Variants in PRELID2 observed in about 807,000 individuals in gnomAD.
PRELID2 encodes the protein PRELI domain containing 2, also known as PRELI domain-containing protein 2.
In PRELID2, 25 loss-of-function variants were observed where a neutral mutation model predicts 28.4. That is an observed-to-expected ratio of 0.88 (90% CI 0.64 to 1.23). The LOEUF (loss-of-function observed/expected upper bound fraction) is 1.23. Among genes scored for constraint, PRELID2 ranks in the 50% most tolerant of loss-of-function variants. PRELID2 has a pLI of 0.00. For missense variants in PRELID2, 201 were observed against 214.4 expected (o/e 0.94, Z 0.39); for synonymous variants, 76 against 71.6 (o/e 1.06, Z -0.31).
the PRELID2 span, among the ~76,000 whole-genome samples, chr5:145,438,956 T>A: frequency 6.6e-6 from 1 of 152,156 alleles, no homozygotes; most frequent in Non-Finnish European, 1.5e-5. Context: ...GTGCTGCCTT[T>A]TTCTCTGATG....
At chr5:145,495,944 G>A (rs1752306554) in intron 1 of PRELID2, among the ~76,000 whole-genome samples, 1 of 152,132 alleles carries the variant, frequency 6.6e-6, no homozygotes, top group South Asian at 2.1e-4. Flanking sequence ...CGGAGAATGA[G>A]TCAGGTGTTC....
intron 1 of PRELID2, among the ~76,000 whole-genome samples, chr5:145,594,338 G>GT (rs915746661): frequency 2.4e-4 from 36 of 151,766 alleles, no homozygotes; most frequent in Middle Eastern, 6.8e-3. Context: ...TTTGTTTGGT[G>GT]TTTTTTTTGT....
chr5:145,307,403 T>C, the PRELID2 span, among the ~76,000 whole-genome samples: 3 of 152,128 alleles, frequency 2.0e-5, no homozygotes, highest in Admixed American at 1.3e-4. Flanking sequence ...GGAAGACACA[T>C]AAACTGGGTC....
chr5:145,252,319 T>A, the PRELID2 span, among the ~76,000 whole-genome samples: 3 of 152,152 alleles, frequency 2.0e-5, no homozygotes, highest in Admixed American at 6.6e-5. Context: ...AAAATCTGCA[T>A]AAATAACAAA....
the PRELID2 span, among the ~76,000 whole-genome samples, chr5:145,307,447 G>A: frequency 2.6e-5 from 4 of 152,150 alleles, no homozygotes; most frequent in African/African-American, 9.7e-5. Context: ...CTGTTACTCA[G>A]TGCAAAATTA....
At chr5:145,618,529 T>C (rs9885571) in intron 1 of PRELID2, among the ~76,000 whole-genome samples, 7,375 of 152,276 alleles carry the variant, frequency 0.048, 604 homozygotes, top group African/African-American at 0.17. Flanking sequence ...TCCTGTGATA[T>C]GAACCATCTA....
the PRELID2 span, among the ~76,000 whole-genome samples, chr5:145,351,233 G>A: frequency 6.6e-6 from 1 of 152,152 alleles, no homozygotes; most frequent in East Asian, 1.9e-4. Flanking sequence ...TTCTCACACT[G>A]CTATGAAGAA....
At chr5:145,430,076 G>T in the PRELID2 span, among the ~76,000 whole-genome samples, 4 of 152,290 alleles carry the variant, frequency 2.6e-5, no homozygotes, top group African/African-American at 7.2e-5. Context: ...ATAGTAGATG[G>T]TGGTTGTTTG....
chr5:145,409,750 G>GAAAAAAA, the PRELID2 span, among the ~76,000 whole-genome samples: 1 of 104,994 alleles, frequency 9.5e-6, no homozygotes, highest in Non-Finnish European at 2.0e-5. Context: ...CATCTCTACT[G>GAAAAAAA]AAAAAAAAAA....
At chr5:145,504,541 C>T (rs1264373499) in intron 1 of PRELID2, among the ~76,000 whole-genome samples, 1 of 152,102 alleles carries the variant, frequency 6.6e-6, no homozygotes. Context: ...TGACCACAGG[C>T]AGAACAGGTA....
the PRELID2 span, among the ~76,000 whole-genome samples, chr5:145,318,688 C>A: frequency 6.6e-6 from 1 of 152,188 alleles, no homozygotes; most frequent in Admixed American, 6.5e-5. Context: ...TGGGCTCCAG[C>A]CCCATGGTAG....
At chr5:145,819,644 TC>T (rs1418308791) in intron 3 of PRELID2, 8 of 576,114 alleles carry the variant, frequency 1.4e-5, no homozygotes, top group African/African-American at 1.3e-4. Flanking sequence ...AAGAGTAATT[TC>T]TAATCATGAA....
intron 1 of PRELID2, among the ~76,000 whole-genome samples, chr5:145,713,461 A>G (rs1755755917): frequency 6.9e-6 from 1 of 144,346 alleles, no homozygotes; most frequent in Non-Finnish European, 1.5e-5. Context: ...TGTATACTTT[A>G]TATATATATA....
At chr5:145,380,798 TC>T in the PRELID2 span, among the ~76,000 whole-genome samples, 1 of 152,200 alleles carries the variant, frequency 6.6e-6, no homozygotes, top group African/African-American at 2.4e-5. Flanking sequence ...GATGAGCTTT[TC>T]TTTTACTTTG....
At chr5:145,458,934 G>C in the PRELID2 span, among the ~76,000 whole-genome samples, 1 of 152,246 alleles carries the variant, frequency 6.6e-6, no homozygotes, top group African/African-American at 2.4e-5. Flanking sequence ...AAATTGATCA[G>C]AGCATCAAAA....
the PRELID2 span, among the ~76,000 whole-genome samples, chr5:145,445,853 G>C: frequency 6.6e-6 from 1 of 151,700 alleles, no homozygotes; most frequent in African/African-American, 2.4e-5. Context: ...ATCAAAAATA[G>C]AAATATTAGC....
chr5:145,439,940 T>A, the PRELID2 span, among the ~76,000 whole-genome samples: 1 of 152,110 alleles, frequency 6.6e-6, no homozygotes, highest in East Asian at 1.9e-4. Context: ...AAAACCTTTC[T>A]GAACTCCATG....
rs1472739965 is a variant in PRELID2, at chr5:145,817,921, A to G, written c.341T>C (p.Phe114Ser). ...QYASMKEESV[F>S]RESMENPNWT... ...ATTTGGGTTTTCCATACTTTCCCGG[A>G]AGACAGACTCTTCCTTCATGGATGC... The change falls in exon 4 of 7, where the codon TTC becomes TCC. Residue 114 changes from phenylalanine to serine, a missense_variant. Transcript: ENST00000683046. 3.2e-6 allele frequency: 5 copies of G among 1,561,246 alleles called. No homozygotes were observed.
At chr5:145,692,099 T>C (rs1355244477) in intron 1 of PRELID2, among the ~76,000 whole-genome samples, 1 of 152,150 alleles carries the variant, frequency 6.6e-6, no homozygotes, top group Non-Finnish European at 1.5e-5. Flanking sequence ...TGTGACACTA[T>C]CTCATGATTT....
Sources: allele counts gnomAD v4.1 joint callset (sites outside exome capture counted in the v4.1 genomes callset), GRCh38; gene constraint gnomAD v4.1.1; transcripts MANE v1.5; gene names NCBI Gene and HGNC (gene_info 2026-07-23, HGNC 2026-07-21).